Variants in LRRC18 observed in about 807,000 individuals in gnomAD.
The protein encoded by LRRC18 is leucine-rich repeat-containing protein 18.
LRRC18 carries 12 observed loss-of-function variants against 11.2 expected under a neutral mutation model. The ratio of observed to expected loss-of-function variants is 1.07; its 90% CI spans 0.69 to 1.74. The LOEUF is 1.74. Ranked by LOEUF, LRRC18 falls within the 40% of genes most tolerant of loss-of-function variation. The pLI is 0.00. For synonymous variants in LRRC18, 155 were observed against 130.6 expected, an observed-to-expected ratio of 1.19 and a Z score of -1.27; for missense variants, 374 against 330.5, an observed-to-expected ratio of 1.13 and a Z score of -1.02.
the LRRC18 span, among the ~76,000 whole-genome samples, chr10:48,937,104 G>A: frequency 6.6e-6 from 1 of 151,924 alleles, no homozygotes; most frequent in Non-Finnish European, 1.5e-5. Flanking sequence ...ATGTTGGCTA[G>A]GCTGGTCTCG....
the LRRC18 span, among the ~76,000 whole-genome samples, chr10:48,929,392 T>C: frequency 1.3e-5 from 2 of 152,236 alleles, no homozygotes; most frequent in African/African-American, 2.4e-5. Context: ...CAGGAAGCTA[T>C]TGTGTCCTGG....
At chr10:48,931,087 T>A in the LRRC18 span, among the ~76,000 whole-genome samples, 1 of 74,290 alleles carries the variant, frequency 1.3e-5, no homozygotes, top group African/African-American at 4.2e-5. Context: ...GCATGCACAC[T>A]CACACTCAAA....
chr10:48,913,563 A>G lies in LRRC18; in HGVS notation c.593T>C (p.Leu198Ser), dbSNP rs190314338. 3.0e-5 allele frequency: 49 copies of G among 1,613,472 alleles called. No individual in the cohort carries two copies. In the African/African-American group the frequency reaches 5.7e-4, roughly 19 times the overall value. Reference sequence around the variant, plus strand: ...CAGATCCTTCTCCTCCACAACATACAAGTTCTCCAGCCTCCTGATGGAGTC... The same window carrying G: ...CAGATCCTTCTCCTCCACAACATACGAGTTCTCCAGCCTCCTGATGGAGTC... The change falls in exon 1 of 2, where the codon TTG becomes TCG. Residue 198 changes from leucine to serine, a missense_variant. Physicochemically the swap from Leu to Ser is moderately radical, Grantham distance 145 (BLOSUM62 -2). Transcript: ENST00000374160.
the LRRC18 span, among the ~76,000 whole-genome samples, chr10:48,935,714 TA>T: frequency 6.6e-6 from 1 of 152,256 alleles, no homozygotes; most frequent in East Asian, 1.9e-4. Flanking sequence ...ACAATACTCA[TA>T]AAATCATACA....
chr10:48,931,909 C>G, the LRRC18 span, among the ~76,000 whole-genome samples: 5 of 152,152 alleles, frequency 3.3e-5, no homozygotes, highest in Admixed American at 6.5e-5. Context: ...AGGGCAGCAC[C>G]CTGGCAGCTT....
chr10:48,910,575 A>G (rs147157094), intron 1 of LRRC18, among the ~76,000 whole-genome samples: 80 of 152,340 alleles, frequency 5.3e-4, no homozygotes, highest in African/African-American at 1.9e-3. Context: ...ACTGGTCTCT[A>G]TCTCCAGTCT....
At chr10:48,917,310 AAC>A (rs1838641553), upstream of LRRC18, among the ~76,000 whole-genome samples, 1 of 152,224 alleles carries the variant, frequency 6.6e-6, no homozygotes, top group Non-Finnish European at 1.5e-5. Context: ...AGTGTGGAAA[AAC>A]AGTTGTGGTG....
chr10:48,927,422 G>A, the LRRC18 span, among the ~76,000 whole-genome samples: 3 of 152,186 alleles, frequency 2.0e-5, no homozygotes, highest in Admixed American at 6.5e-5. Context: ...TCACACAGCT[G>A]CCTTATTCCA....
At chr10:48,936,743 C>A in the LRRC18 span, among the ~76,000 whole-genome samples, 3 of 148,980 alleles carry the variant, frequency 2.0e-5, no homozygotes, top group African/African-American at 7.4e-5. Context: ...GAGGCTGAGG[C>A]AGGAGAATCG....
the LRRC18 span, among the ~76,000 whole-genome samples, chr10:48,931,026 A>C: frequency 1.3e-5 from 2 of 152,116 alleles, no homozygotes; most frequent in African/African-American, 4.8e-5. Flanking sequence ...AATTCCCTGC[A>C]ACAGATATAA....
chr10:48,933,627 T>C, the LRRC18 span, among the ~76,000 whole-genome samples: 1 of 152,134 alleles, frequency 6.6e-6, no homozygotes, highest in African/African-American at 2.4e-5. Flanking sequence ...GAAGCATGCA[T>C]GTGTTATTAG....
chr10:48,932,833 T>C, the LRRC18 span, among the ~76,000 whole-genome samples: 301 of 152,236 alleles, frequency 2.0e-3, 3 homozygotes, highest in African/African-American at 7.0e-3. Context: ...GAAAGCGACA[T>C]CTGAGCTGTA....
chr10:48,912,611 C>G (rs1838108139), intron 1 of LRRC18, among the ~76,000 whole-genome samples: 1 of 152,224 alleles, frequency 6.6e-6, no homozygotes, highest in Admixed American at 6.5e-5. Flanking sequence ...GGACACGGCC[C>G]CTGCACCTAG....
the LRRC18 span, among the ~76,000 whole-genome samples, chr10:48,934,742 C>G: frequency 6.6e-6 from 1 of 152,214 alleles, no homozygotes; most frequent in Non-Finnish European, 1.5e-5. Flanking sequence ...GAAGCAGTCA[C>G]AGCTTAGTTT....
the LRRC18 span, among the ~76,000 whole-genome samples, chr10:48,923,561 A>G: frequency 7.0e-4 from 102 of 144,868 alleles, no homozygotes; most frequent in African/African-American, 2.1e-3. Flanking sequence ...ACCCTATCCC[A>G]TGGGCCTAAA....
At chr10:48,936,802 C>A in the LRRC18 span, among the ~76,000 whole-genome samples, 1 of 145,276 alleles carries the variant, frequency 6.9e-6, no homozygotes, top group Non-Finnish European at 1.5e-5. Context: ...CGCGCCACTG[C>A]ACTCCAGCCT....
the LRRC18 span, among the ~76,000 whole-genome samples, chr10:48,920,284 C>T: frequency 1.3e-5 from 2 of 149,400 alleles, no homozygotes; most frequent in Non-Finnish European, 3.0e-5. Context: ...CCAAATACCA[C>T]ATGTTCTCAC....
upstream of LRRC18, among the ~76,000 whole-genome samples, chr10:48,918,775 G>A (rs1194375406): frequency 6.6e-6 from 1 of 152,152 alleles, no homozygotes; most frequent in East Asian, 1.9e-4. Context: ...CAGGGCTTGG[G>A]GGAAGACCTG....
upstream of LRRC18, among the ~76,000 whole-genome samples, chr10:48,918,063 A>G (rs1215725417): frequency 6.6e-6 from 1 of 152,252 alleles, no homozygotes; most frequent in African/African-American, 2.4e-5. Flanking sequence ...TCCTCAGAGC[A>G]ATCACTAAGG....
Sources: allele counts gnomAD v4.1 joint callset (sites outside exome capture counted in the v4.1 genomes callset), GRCh38; gene constraint gnomAD v4.1.1; transcripts MANE v1.5; gene names NCBI Gene and HGNC (gene_info 2026-07-23, HGNC 2026-07-21).